The following FHIT variants were observed in gnomAD, a reference collection of about 807,000 sequenced individuals.
FHIT encodes the protein bis(5'-adenosyl)-triphosphatase.
A neutral mutation model predicts 17.9 loss-of-function variants in FHIT; 19 were observed. The observed-to-expected ratio is 1.06, with a 90% CI of 0.74 to 1.56. The LOEUF (loss-of-function observed/expected upper bound fraction) is 1.56, where lower values mean the gene tolerates loss of function less well. Ranked by LOEUF, FHIT falls within the 40% of genes most tolerant of loss-of-function variation. The pLI is 0.00. For missense variants in FHIT, 248 were observed against 189.2 expected, an observed-to-expected ratio of 1.31 and a Z score of -1.82; for synonymous variants, 81 against 69.7, an observed-to-expected ratio of 1.16 and a Z score of -0.81.
In FHIT at chr3:60,764,412, G is replaced by A. The variant is rs1213899471; in HGVS notation, c.-18+57507C>T. Among the ~76,000 whole-genome samples, 3 of 152,188 alleles carry A rather than the reference G, an allele frequency of 2.0e-5. No homozygotes were observed. The East Asian group carries it at 5.8e-4, about 29-fold the overall frequency. ...AAATAGGATTTCCTCAGCTGTAGGT[G>A]GATGGGTAGGTGGGGAGGTGGATGA... On this transcript the variant is annotated intron_variant, in intron 4 of 9. Transcript: ENST00000492590.
At chr3:60,007,895 C>T (rs536838491) in intron 7 of FHIT, among the ~76,000 whole-genome samples, 1 of 152,112 alleles carries the variant, frequency 6.6e-6, no homozygotes, top group Non-Finnish European at 1.5e-5. Flanking sequence ...TTTTATGGCA[C>T]ACTTGAGGGT....
At chr3:61,131,683 A>G (rs1485351922) in intron 2 of FHIT, among the ~76,000 whole-genome samples, 1 of 152,258 alleles carries the variant, frequency 6.6e-6, no homozygotes, top group Admixed American at 6.5e-5. Flanking sequence ...ACATGAGCCC[A>G]GTCTGCTGTG....
chr3:60,656,625 A>G (rs2040122396), intron 4 of FHIT, among the ~76,000 whole-genome samples: 1 of 152,164 alleles, frequency 6.6e-6, no homozygotes, highest in African/African-American at 2.4e-5. Context: ...CCTCCCCAGG[A>G]GTTTTTCCCA....
intron 3 of FHIT, among the ~76,000 whole-genome samples, chr3:61,005,295 A>C (rs1276238872): frequency 6.6e-6 from 1 of 152,106 alleles, no homozygotes; most frequent in Non-Finnish European, 1.5e-5. Flanking sequence ...TATCACGTTG[A>C]GGGGAATTAG....
chr3:59,840,084 G>A (rs1000537628), intron 8 of FHIT, among the ~76,000 whole-genome samples: 1 of 152,124 alleles, frequency 6.6e-6, no homozygotes, highest in South Asian at 2.1e-4. Context: ...TCAGAAGAGG[G>A]TAGAGCTGTC....
chr3:60,293,598 G>T (rs536612016), intron 5 of FHIT, among the ~76,000 whole-genome samples: 1 of 152,252 alleles, frequency 6.6e-6, no homozygotes, highest in South Asian at 2.1e-4. Context: ...CATAGGGAAA[G>T]AGCCTAAAAT....
At chr3:59,986,514 TATATATATATATATATATATATATATAC>T (rs763297810) in intron 7 of FHIT, among the ~76,000 whole-genome samples, 11,553 of 22,646 alleles carry the variant, frequency 0.51, 1,742 homozygotes, top group South Asian at 0.58. Flanking sequence ...TATATATATA[TATATATATATATATATATATATATATAC>T]ACACACACAC....
intron 3 of FHIT, among the ~76,000 whole-genome samples, chr3:60,868,858 C>T (rs1451056331): frequency 6.6e-6 from 1 of 152,152 alleles, no homozygotes; most frequent in Non-Finnish European, 1.5e-5. Flanking sequence ...ATTTCAGCTT[C>T]AAATACCTTT....
At chr3:59,957,363 G>A (rs78493951) in intron 7 of FHIT, among the ~76,000 whole-genome samples, 4,485 of 152,316 alleles carry the variant, frequency 0.029, 107 homozygotes, top group Non-Finnish European at 0.044. Context: ...CACAAGAGGG[G>A]CCTCAGGGGA....
intron 5 of FHIT, among the ~76,000 whole-genome samples, chr3:60,047,594 T>C (rs1701704178): frequency 6.6e-6 from 1 of 152,214 alleles, no homozygotes; most frequent in African/African-American, 2.4e-5. Context: ...CCCTGGTTCC[T>C]CAGGTGCATT....
At chr3:59,817,442 G>A (rs1402566266) in intron 8 of FHIT, among the ~76,000 whole-genome samples, 1 of 151,710 alleles carries the variant, frequency 6.6e-6, no homozygotes, top group Non-Finnish European at 1.5e-5. Context: ...TTCCTGTGCT[G>A]TGGCTATGAC....
At chr3:60,219,122 T>C (rs1703839338) in intron 5 of FHIT, among the ~76,000 whole-genome samples, 1 of 152,134 alleles carries the variant, frequency 6.6e-6, no homozygotes, top group Non-Finnish European at 1.5e-5. Context: ...CACATTACTC[T>C]CATTTTGTTC....
intron 5 of FHIT, among the ~76,000 whole-genome samples, chr3:60,461,450 A>G (rs73833904): frequency 6.6e-6 from 1 of 151,266 alleles, no homozygotes; most frequent in African/African-American, 2.4e-5. Flanking sequence ...TAATAAAACA[A>G]TATGTCATCT....
At chr3:60,123,696 C>T (rs894413458) in intron 5 of FHIT, among the ~76,000 whole-genome samples, 4 of 151,698 alleles carry the variant, frequency 2.6e-5, no homozygotes, top group Non-Finnish European at 5.9e-5. Context: ...CTAAGAAATC[C>T]TCCTTTGTCA....
chr3:60,244,635 C>G (rs1350425586), intron 5 of FHIT, among the ~76,000 whole-genome samples: 1 of 151,960 alleles, frequency 6.6e-6, no homozygotes, highest in Non-Finnish European at 1.5e-5. Flanking sequence ...GAATTGGGGC[C>G]TCAATGAGAA....
At chr3:60,657,845 A>T (rs1191909948) in intron 4 of FHIT, among the ~76,000 whole-genome samples, 1 of 152,176 alleles carries the variant, frequency 6.6e-6, no homozygotes, top group African/African-American at 2.4e-5. Context: ...GGTACATTTC[A>T]TAACAATGTA....
chr3:60,286,811 G>C (rs1707750415), intron 5 of FHIT, among the ~76,000 whole-genome samples: 1 of 152,082 alleles, frequency 6.6e-6, no homozygotes, highest in Non-Finnish European at 1.5e-5. Flanking sequence ...CAATAATCCA[G>C]AGATCAATTT....
At chr3:60,857,091 T>A (rs1703418769) in intron 3 of FHIT, among the ~76,000 whole-genome samples, 1 of 152,176 alleles carries the variant, frequency 6.6e-6, no homozygotes, top group Non-Finnish European at 1.5e-5. Flanking sequence ...GGATCATGTC[T>A]GTCTCTTTCT....
intron 2 of FHIT, among the ~76,000 whole-genome samples, chr3:61,189,191 C>T (rs1290600825): frequency 6.6e-6 from 1 of 152,194 alleles, no homozygotes; most frequent in Non-Finnish European, 1.5e-5. Context: ...ATCCCAACGT[C>T]TCAGCCCAAA....
Sources: gnomAD v4.1 joint callset for allele counts (sites outside exome capture counted in the v4.1 genomes callset) on GRCh38, gnomAD v4.1.1 for gene constraint, MANE v1.5 for transcripts, NCBI Gene and HGNC (gene_info 2026-07-23, HGNC 2026-07-21) for gene names.